ARPC1B: variants seen among roughly 807,000 people sequenced by gnomAD.
ARPC1B encodes actin-related protein 2/3 complex subunit 1B.
A neutral mutation model predicts 46.0 loss-of-function variants in ARPC1B; 29 were observed. The observed-to-expected ratio is 0.63, with a 90% CI of 0.47 to 0.86. The LOEUF is 0.86. Ranked by LOEUF, ARPC1B falls within the 40% of genes least tolerant of loss-of-function variation. ARPC1B has a pLI of 0.00. For synonymous variants in ARPC1B, 201 were observed against 213.9 expected (o/e 0.94, Z 0.53); for missense variants, 469 against 529.4 (o/e 0.89, Z 1.12).
rs1794705982 is a variant in ARPC1B, at chr7:99,394,645, T to TTTC, written c.*159_*161dup. 1 of 1,428,092 alleles carries TTTC rather than the reference T, an allele frequency of 7.0e-7. No individual in the cohort carries two copies. Among genetic ancestry groups the TTTC allele is most frequent in the Non-Finnish European group, 9.2e-7 (1 of 1,092,798 alleles). 88.5% of individuals were successfully genotyped at this position (1,428,092 alleles called of 1,614,324 possible). On this transcript the variant is annotated 3_prime_UTR_variant, in exon 10 of 10. Transcript: ENST00000646101. ...AAAGGGAGGGGACAGATGGGGAGCT[T>TTTC]TTCTTACCTATTCAAGGAATACGTG...
At chr7:99,392,082 G>A (rs117931578) in intron 7 of ARPC1B, 1 of 152,610 alleles carries the variant, frequency 6.6e-6, no homozygotes, top group Non-Finnish European at 1.5e-5. Flanking sequence ...TCCAGTGTGG[G>A]TGTTGTGAGG....
chr7:99,390,840 G>A (rs1214775147), intron 5 of ARPC1B, 53 bp from the exon 6 acceptor site: 6 of 1,511,442 alleles, frequency 4.0e-6, no homozygotes, highest in Non-Finnish European at 5.4e-6. Flanking sequence ...TGAGAGTACA[G>A]GTGCGCACCA....
Position 99,379,897 on chromosome 7 carries a change from G to A in ARPC1B, c.-14+5116G>A, listed in dbSNP as rs377726476. Among the ~76,000 whole-genome samples, 621 of 151,486 alleles carry A rather than the reference G, an allele frequency of 4.1e-3. 3 individuals are homozygous for A. The highest frequency in any genetic ancestry group is 0.014 in the African/African-American group (596 of 41,172). The stretch of plus-strand genomic sequence containing the variant: ...TGACCTCAAGTGATCCACCCACCTC[G>A]GCCTCCGAAAGTGCTGGGATTACAG... On this transcript the variant is annotated intron_variant, in intron 1 of 9. Transcript: ENST00000646101.
chr7:99,385,639 A>T lies in ARPC1B; in HGVS notation c.-13-63A>T. ...CTGTGAGGATCATCTGGGGCCTGGT[A>T]TGGGTGAAGTCAGGGGCAAGGTTGG... On this transcript the variant is annotated intron_variant, in intron 1 of 9. Coordinates refer to ENST00000646101, the MANE Select transcript of ARPC1B (RefSeq NM_005720.4). 3.6e-6 allele frequency: 5 copies of T among 1,400,968 alleles called. No homozygotes were observed. The Admixed American group carries it at 9.7e-5, about 27-fold the overall frequency. 86.8% of individuals were successfully genotyped at this position (1,400,968 alleles called of 1,614,324 possible).
upstream of ARPC1B, chr7:99,374,717 C>G (rs552250695): frequency 6.6e-6 from 1 of 151,834 alleles, no homozygotes; most frequent in Non-Finnish European, 1.5e-5. The surrounding 1 kb of genome is among the most constrained non-coding windows in gnomAD (Gnocchi z 5.0). Context: ...GCTGCTGCTC[C>G]GGCGCGGAGC....
At position 99,388,217 on chromosome 7, in the gene ARPC1B, CTCTCGTGTGA is replaced by C. The variant is rs1794457199; in HGVS notation, c.353_362del (p.Arg118ProfsTer74). On this transcript the variant is annotated frameshift_variant, in exon 4 of 10. Transcript: ENST00000646101. LOFTEE classifies it high-confidence loss of function. ...AGAACAAGTTTGCTGTGGGCAGCGG[CTCTCGTGTGA>C]TCTCCATCTGTTATTTCGAGCAGGA... 1 of 1,614,114 alleles carries C rather than the reference CTCTCGTGTGA, an allele frequency of 6.2e-7. No homozygotes were observed. The highest frequency in any genetic ancestry group is 1.3e-5 in the African/African-American group (1 of 74,946).
chr7:99,380,934 C>T (rs1185061732), intron 1 of ARPC1B, among the ~76,000 whole-genome samples: 1 of 152,208 alleles, frequency 6.6e-6, no homozygotes, highest in Admixed American at 6.5e-5. Context: ...GGCCTTCACC[C>T]TGCCCCTGCC....
In ARPC1B at chr7:99,394,433, C is replaced by G; in HGVS notation, c.1081-18C>G. ...CAGGACAGCTGAGAACCAGCCTGTC[C>G]GTTCTGCCTCCCTGCAGAGCTTGGA... On this transcript the variant is annotated intron_variant, in intron 9 of 9. Transcript: ENST00000646101. 6.2e-7 allele frequency: 1 copy of G among 1,606,832 alleles called. No individual in the cohort carries two copies. Among genetic ancestry groups the G allele is most frequent in the Non-Finnish European group, 8.5e-7 (1 of 1,173,654 alleles).
chr7:99,391,253 G>C lies in ARPC1B; in HGVS notation c.783G>C (p.Ala261=), dbSNP rs779597975. ...TCACAGACAACAGCCTGGTGGCAGC[G>C]GTGAGGAATAGGGAGGGGAGGGAGG... ...TFITDNSLVA[A]GHDCFPVLFT... is the part of the protein sequence containing the mutation. Residue 261 remains alanine (A), a splice_region_variant and synonymous_variant, in exon 7 of 10, where the codon GCG becomes GCC. Coordinates refer to ENST00000646101, the MANE Select transcript of ARPC1B (RefSeq NM_005720.4). 4 of 1,613,716 alleles carry C rather than the reference G, an allele frequency of 2.5e-6. No homozygotes were observed. The highest frequency in any genetic ancestry group is 2.7e-5 in the African/African-American group (2 of 74,920).
intron 7 of ARPC1B, among the ~76,000 whole-genome samples, chr7:99,391,512 AG>A (rs1444076641): frequency 6.6e-6 from 1 of 152,120 alleles, no homozygotes; most frequent in East Asian, 1.9e-4. Context: ...TGCGAGGTTG[AG>A]GTGGAAGTAT....
intron 1 of ARPC1B, among the ~76,000 whole-genome samples, chr7:99,378,774 CTTTTT>C (rs761084621): frequency 4.9e-4 from 52 of 106,542 alleles, no homozygotes; most frequent in African/African-American, 2.2e-3. Flanking sequence ...TTTTCTTTTT[CTTTTT>C]TTTTTTTTTT....
At chr7:99,392,643 G>C in intron 7 of ARPC1B, 28 bp from the exon 8 acceptor site, 4 of 1,451,650 alleles carry the variant, frequency 2.8e-6, no homozygotes, top group Non-Finnish European at 3.6e-6. Flanking sequence ...CCTCCGCGGC[G>C]CTCCAATGGC....
Position 99,384,954 on chromosome 7 carries a change from A to ATTTTT in ARPC1B, c.-13-723_-13-719dup, listed in dbSNP as rs753952597. Among the ~76,000 whole-genome samples, 18 of 67,418 alleles carry ATTTTT rather than the reference A, an allele frequency of 2.7e-4. 2 individuals carry two copies. Among genetic ancestry groups the ATTTTT allele is most frequent in the African/African-American group, 1.2e-3 (16 of 13,308 alleles). The allele number at this position is 67,418 out of a possible 152,430, so 44.2% of individuals were successfully genotyped here. A position where few individuals can be genotyped will look rare whatever the true frequency, so the allele number is the denominator to read the frequency against. On this transcript the variant is annotated intron_variant, in intron 1 of 9. Transcript: ENST00000646101. ...AGGCAGGTGCCACCACACCTGGCTA[A>ATTTTT]TTTTTTTTTTTTTTTTTTTTTTTTT...
At chr7:99,380,665 T>C (rs1322941935) in intron 1 of ARPC1B, among the ~76,000 whole-genome samples, 1 of 152,218 alleles carries the variant, frequency 6.6e-6, no homozygotes, top group Non-Finnish European at 1.5e-5. Flanking sequence ...TGGGGGTTGC[T>C]GTCTTCAGCA....
At chr7:99,392,971 G>C (rs992081365) in intron 8 of ARPC1B, 95 bp downstream of exon 8, 8 of 1,289,398 alleles carry the variant, frequency 6.2e-6, no homozygotes, top group African/African-American at 3.0e-5. Flanking sequence ...TCCTCCTGGG[G>C]CATTGTGCTG....
intron 1 of ARPC1B, among the ~76,000 whole-genome samples, chr7:99,375,338 C>G (rs974314316): frequency 1.3e-5 from 2 of 152,172 alleles, no homozygotes; most frequent in African/African-American, 2.4e-5. Context: ...CCCTGCCCTC[C>G]TGGCCGCTCC....
Position 99,388,158 on chromosome 7 carries a change from CG to C in ARPC1B, c.292del (p.Ala98LeufsTer22). 6.2e-7 allele frequency: 1 copy of C among 1,614,256 alleles called. No homozygotes were observed. The highest frequency in any genetic ancestry group is 8.5e-7 in the Non-Finnish European group (1 of 1,180,040). ...KPTLVILRIN[R>X]AARCVRWAPN... ...CACGCTGGTCATCCTGCGGATCAACCGGGCTGCCCGCTGCGTGCGCTGGGCC... is the reference window on the plus strand; with the variant it reads ...CACGCTGGTCATCCTGCGGATCAACCGGCTGCCCGCTGCGTGCGCTGGGCC... On this transcript the variant is annotated frameshift_variant, in exon 4 of 10. Transcript: ENST00000646101. LOFTEE classifies it high-confidence loss of function.
chr7:99,392,475 G>GC (rs1382363780), intron 7 of ARPC1B, among the ~76,000 whole-genome samples, 196 bp from the exon 8 acceptor site: 1 of 152,216 alleles, frequency 6.6e-6, no homozygotes, highest in Non-Finnish European at 1.5e-5. Flanking sequence ...CCCAACGCTG[G>GC]CCTTGCTGGG....
chr7:99,385,842 G>C (rs893313038), intron 2 of ARPC1B, 64 bp downstream of exon 2: 2 of 1,510,466 alleles, frequency 1.3e-6, no homozygotes, highest in African/African-American at 2.7e-5. Flanking sequence ...ACCAGCCAGA[G>C]CACACATGGG....
Sources: gnomAD v4.1 joint callset for allele counts (sites outside exome capture counted in the v4.1 genomes callset) on GRCh38, gnomAD v4.1.1 for gene constraint, Gnocchi (gnomAD v3.1) non-coding constraint, MANE v1.5 for transcripts, NCBI Gene and HGNC (gene_info 2026-07-23, HGNC 2026-07-21) for gene names.